EYA4: variants seen among roughly 807,000 people sequenced by gnomAD.
EYA4 encodes EYA transcriptional coactivator and phosphatase 4.
Under a neutral mutation model 87.9 loss-of-function variants are expected in EYA4, and 31 were observed. The observed-to-expected ratio is 0.35, with a 90% CI of 0.27 to 0.48. EYA4 has a LOEUF of 0.48. EYA4 is among the 20% of genes least tolerant of loss of function. The pLI, the probability that EYA4 is intolerant of heterozygous loss-of-function variation, is 0.99. For missense variants in EYA4, 678 were observed against 761.4 expected (o/e 0.89, Z 1.29); for synonymous variants, 263 against 270.6 (o/e 0.97, Z 0.28).
At chr6:133,351,908 C>T (rs1286726025) in intron 2 of EYA4, among the ~76,000 whole-genome samples, 1 of 151,946 alleles carries the variant, frequency 6.6e-6, no homozygotes, top group African/African-American at 2.4e-5. Flanking sequence ...ATACCTTCTT[C>T]CCAGCCTCTT....
chr6:133,358,784 A>G (rs1257067108), intron 2 of EYA4, among the ~76,000 whole-genome samples: 2 of 152,236 alleles, frequency 1.3e-5, no homozygotes, highest in African/African-American at 4.8e-5. Flanking sequence ...ACACGCACTC[A>G]AGAGGTAAAA....
intron 2 of EYA4, among the ~76,000 whole-genome samples, chr6:133,318,797 T>C (rs996590323): frequency 6.6e-6 from 1 of 152,198 alleles, no homozygotes; most frequent in African/African-American, 2.4e-5. Context: ...GTAAGTGTGT[T>C]CCTAATGTTG....
intron 17 of EYA4, among the ~76,000 whole-genome samples, chr6:133,521,175 G>A (rs955240747): frequency 2.0e-5 from 3 of 151,854 alleles, no homozygotes; most frequent in African/African-American, 7.3e-5. Flanking sequence ...GAGTGAACAG[G>A]CAACTGACAA....
chr6:133,344,317 AC>A (rs1783038500), intron 2 of EYA4, among the ~76,000 whole-genome samples: 1 of 152,242 alleles, frequency 6.6e-6, no homozygotes, highest in African/African-American at 2.4e-5. Flanking sequence ...AATATATGTG[AC>A]AAGAGATATC....
rs201175180 is a variant in EYA4 at position 133,314,235 on chromosome 6, G to A, written c.33+39422G>A. Among the ~76,000 whole-genome samples the A allele has an allele frequency of 1.3e-4, 20 of 152,220 alleles. No individual in the cohort carries two copies. The East Asian group carries it at 2.9e-3, about 22-fold the overall frequency. On this transcript the variant is annotated intron_variant, in intron 2 of 19. Coordinates refer to ENST00000355286, the MANE Select transcript of EYA4 (RefSeq NM_004100.5). ...AGATGAGAAAAATATAAGTAGCACC[G>A]TATGTGCCAATGTGTGACTGTATGC...
chr6:133,465,713 C>T (rs1349763874), intron 10 of EYA4, among the ~76,000 whole-genome samples: 5 of 152,072 alleles, frequency 3.3e-5, no homozygotes, highest in Admixed American at 1.3e-4. Flanking sequence ...AGTATAGTTG[C>T]TAGACACTTA....
At chr6:133,250,601 C>A (rs1774816478) in intron 1 of EYA4, among the ~76,000 whole-genome samples, 1 of 151,992 alleles carries the variant, frequency 6.6e-6, no homozygotes, top group Admixed American at 6.6e-5. Context: ...GAGATTGCAC[C>A]ATTGCACTCC....
At chr6:133,393,509 G>A (rs1026153208) in intron 3 of EYA4, among the ~76,000 whole-genome samples, 1 of 152,084 alleles carries the variant, frequency 6.6e-6, no homozygotes, top group Non-Finnish European at 1.5e-5. Context: ...GGAAATGAAT[G>A]AGTGAGCCAA....
At chr6:133,248,447 A>G (rs553314110) in intron 1 of EYA4, 1 of 152,320 alleles carries the variant, frequency 6.6e-6, no homozygotes, top group South Asian at 2.1e-4. Context: ...CATTATGCAC[A>G]AGGTCATATA....
chr6:133,264,287 C>T (rs191650897), intron 1 of EYA4, among the ~76,000 whole-genome samples: 5 of 152,316 alleles, frequency 3.3e-5, no homozygotes, highest in East Asian at 1.9e-4. Context: ...GCGGTACTAC[C>T]GCTAGACACT....
chr6:133,356,055 GA>G (rs948838898), intron 2 of EYA4, among the ~76,000 whole-genome samples: 3 of 103,278 alleles, frequency 2.9e-5, no homozygotes, highest in African/African-American at 2.2e-4. Flanking sequence ...GAGAAAGAGA[GA>G]AAGAGAGAGA....
intron 5 of EYA4, among the ~76,000 whole-genome samples, chr6:133,451,274 T>C (rs190643328): frequency 2.6e-5 from 4 of 152,294 alleles, no homozygotes; most frequent in Admixed American, 2.6e-4. Flanking sequence ...CTTAAAAAGG[T>C]AAAAACCATT....
intron 2 of EYA4, among the ~76,000 whole-genome samples, chr6:133,341,064 C>T (rs1307476760): frequency 2.0e-5 from 3 of 152,160 alleles, no homozygotes; most frequent in African/African-American, 7.2e-5. Context: ...TTTATACTTG[C>T]TATGGCATAG....
chr6:133,307,632 C>T (rs1463309214), intron 2 of EYA4, among the ~76,000 whole-genome samples: 3 of 152,122 alleles, frequency 2.0e-5, no homozygotes, highest in Admixed American at 1.3e-4. Flanking sequence ...TGCCTTATCC[C>T]TATATAATGA....
intron 2 of EYA4, among the ~76,000 whole-genome samples, chr6:133,379,725 G>A (rs1168694236): frequency 6.6e-6 from 1 of 151,966 alleles, no homozygotes; most frequent in Non-Finnish European, 1.5e-5. Flanking sequence ...TAGCATTTGG[G>A]GAACACCTAC....
chr6:133,251,714 C>T (rs940133864), intron 1 of EYA4, among the ~76,000 whole-genome samples: 2 of 152,134 alleles, frequency 1.3e-5, no homozygotes, highest in African/African-American at 4.8e-5. Context: ...AGGGACCCTC[C>T]CTCCCCTGGT....
chr6:133,442,461 A>C (rs1342496359), intron 3 of EYA4, among the ~76,000 whole-genome samples: 2 of 152,072 alleles, frequency 1.3e-5, no homozygotes, highest in East Asian at 3.9e-4. Flanking sequence ...CATTGACTGA[A>C]GTTATAATTT....
At chr6:133,452,156 A>T (rs79709397) in intron 5 of EYA4, among the ~76,000 whole-genome samples, 2 of 152,172 alleles carry the variant, frequency 1.3e-5, no homozygotes, top group Non-Finnish European at 2.9e-5. Flanking sequence ...CTGCAGTGTT[A>T]TAAATTGTAA....
chr6:133,259,892 CATT>C (rs1211950946), intron 1 of EYA4, among the ~76,000 whole-genome samples: 1 of 152,116 alleles, frequency 6.6e-6, no homozygotes, highest in Admixed American at 6.5e-5. Context: ...TTTTTGTTGT[CATT>C]ATTTTCTTTT....
Sources: allele counts gnomAD v4.1 joint callset (sites outside exome capture counted in the v4.1 genomes callset), GRCh38; gene constraint gnomAD v4.1.1; transcripts MANE v1.5; gene names NCBI Gene and HGNC (gene_info 2026-07-23, HGNC 2026-07-21).